TBC1D1: variants seen among roughly 807,000 people sequenced by gnomAD.
TBC1D1 encodes TBC1 domain family member 1.
In TBC1D1, 89 loss-of-function variants were observed where a neutral mutation model predicts 125.6. The observed-to-expected ratio is 0.71, with a 90% CI of 0.60 to 0.85. The LOEUF is 0.85. TBC1D1 is among the 40% of genes least tolerant of loss of function. The pLI is 0.00. For synonymous variants in TBC1D1, 565 were observed against 564.1 expected (o/e 1.00, Z -0.02); for missense variants, 1,377 against 1,469.2 (o/e 0.94, Z 1.03).
chr4:37,989,928 A>G (rs1736214334), intron 2 of TBC1D1, among the ~76,000 whole-genome samples: 1 of 152,244 alleles, frequency 6.6e-6, no homozygotes, highest in Non-Finnish European at 1.5e-5. Context: ...TAGTTTGCCA[A>G]CCAAAGACAC....
chr4:37,902,288 C>G lies in TBC1D1; in HGVS notation c.193C>G (p.Arg65Gly). The G allele has an allele frequency of 1.2e-6, 2 of 1,614,062 alleles. No homozygotes were observed. The highest frequency in any genetic ancestry group is 1.7e-6 in the Non-Finnish European group (2 of 1,179,996). ...AAAGGAACCTGTAACCAAGCAAGTC[C>G]GGCTTTGCGTTTCACCCTCTGGACT... Residue 65 changes from arginine (R) to glycine (G), a missense_variant, in exon 2 of 20, where the codon CGG becomes GGG. Physicochemically the swap from Arg to Gly is moderately radical, Grantham distance 125. This residue lies in a region of TBC1D1 where 822 missense variants were observed against 824.6 expected (regional missense o/e 1.00). Coordinates refer to ENST00000261439, the MANE Select transcript of TBC1D1 (RefSeq NM_015173.4).
At chr4:37,980,216 A>G (rs28651378) in intron 2 of TBC1D1, among the ~76,000 whole-genome samples, 43,833 of 152,144 alleles carry the variant, frequency 0.29, 6,423 homozygotes, top group East Asian at 0.4. Flanking sequence ...TTTAAAGAAG[A>G]AAGAAAAACA....
rs1443103757 is a variant in TBC1D1, at chr4:37,902,430, G to C, written c.335G>C (p.Ser112Thr). 1.2e-6 allele frequency: 2 copies of C among 1,614,156 alleles called. No homozygotes were observed. Among genetic ancestry groups the C allele is most frequent in the South Asian group, 1.1e-5 (1 of 91,086 alleles). The change falls in exon 2 of 20, where the codon AGT (serine) becomes ACT (threonine). Residue 112 changes from serine to threonine, a missense_variant. This residue lies in a region of TBC1D1 where 822 missense variants were observed against 824.6 expected (regional missense o/e 1.00). Coordinates refer to ENST00000261439, the MANE Select transcript of TBC1D1 (RefSeq NM_015173.4). The stretch of plus-strand genomic sequence containing the variant: ...CTGATTCACAACAGTCATGACCCAA[G>C]TTACTTTGCTTGTCTGATTAAGGAA...
intron 13 of TBC1D1, among the ~76,000 whole-genome samples, chr4:38,091,953 A>G (rs1172276547): frequency 6.6e-6 from 1 of 152,212 alleles, no homozygotes; most frequent in Non-Finnish European, 1.5e-5. Flanking sequence ...TTAGCTCTGT[A>G]AAGTTCCACA....
intron 14 of TBC1D1, among the ~76,000 whole-genome samples, chr4:38,098,964 TA>T (rs1759833430): frequency 6.6e-6 from 1 of 152,232 alleles, no homozygotes; most frequent in South Asian, 2.1e-4. Flanking sequence ...TATGACATTA[TA>T]GATAATTCAG....
intron 2 of TBC1D1, among the ~76,000 whole-genome samples, chr4:37,975,499 T>TC (rs1732884531): frequency 6.6e-6 from 1 of 151,958 alleles, no homozygotes; most frequent in Admixed American, 6.6e-5. Context: ...TTCTCTAAAC[T>TC]CCCCCGGGGA....
At chr4:37,929,971 T>G (rs1722934987) in intron 2 of TBC1D1, among the ~76,000 whole-genome samples, 1 of 152,184 alleles carries the variant, frequency 6.6e-6, no homozygotes, top group Non-Finnish European at 1.5e-5. Context: ...GGTTTGCTAC[T>G]GTCCACAAAA....
At chr4:37,914,684 G>A (rs1020883360) in intron 2 of TBC1D1, among the ~76,000 whole-genome samples, 1 of 152,188 alleles carries the variant, frequency 6.6e-6, no homozygotes, top group African/African-American at 2.4e-5. Context: ...CTAAAGTCCT[G>A]TATCTTTGCT....
chr4:38,131,761 G>A (rs368965915), intron 18 of TBC1D1, among the ~76,000 whole-genome samples: 16 of 152,112 alleles, frequency 1.1e-4, no homozygotes, highest in African/African-American at 3.1e-4. Context: ...CTGACCTCAC[G>A]GTCGCTCTGA....
At chr4:37,896,374 A>G (rs1281450713) in intron 1 of TBC1D1, among the ~76,000 whole-genome samples, 2 of 152,168 alleles carry the variant, frequency 1.3e-5, no homozygotes, top group Non-Finnish European at 2.9e-5. Context: ...GCAGCTTACT[A>G]ATACCTACCC....
At chr4:38,065,961 C>T (rs1000126685) in intron 12 of TBC1D1, among the ~76,000 whole-genome samples, 1 of 152,196 alleles carries the variant, frequency 6.6e-6, no homozygotes, top group Non-Finnish European at 1.5e-5. Context: ...TACTGCCCAT[C>T]TTTTAAGAGA....
chr4:38,035,895 C>T (rs1212788091), intron 8 of TBC1D1, among the ~76,000 whole-genome samples, 197 bp downstream of exon 8: 1 of 152,014 alleles, frequency 6.6e-6, no homozygotes, highest in Non-Finnish European at 1.5e-5. Flanking sequence ...TCTGCCTGCA[C>T]CATAGTGGAG....
At chr4:38,112,609 C>T (rs1026167165) in intron 15 of TBC1D1, among the ~76,000 whole-genome samples, 6 of 152,192 alleles carry the variant, frequency 3.9e-5, no homozygotes, top group East Asian at 1.9e-4. Context: ...CTGAGCTTCA[C>T]GTGCCAGAGG....
intron 1 of TBC1D1, among the ~76,000 whole-genome samples, chr4:37,898,223 G>A (rs1715055828): frequency 6.6e-6 from 1 of 152,142 alleles, no homozygotes; most frequent in South Asian, 2.1e-4. Flanking sequence ...TCTTCTTGAG[G>A]GACACCTATT....
intron 17 of TBC1D1, 50 bp from the exon 20 acceptor site, chr4:38,124,912 G>T: frequency 6.5e-7 from 1 of 1,535,552 alleles, no homozygotes; most frequent in Non-Finnish European, 9.0e-7. Flanking sequence ...GAATGGTATT[G>T]CGTGAGAAAC....
chr4:38,080,428 GC>G (rs1189587709), intron 12 of TBC1D1, among the ~76,000 whole-genome samples: 1 of 152,156 alleles, frequency 6.6e-6, no homozygotes, highest in Non-Finnish European at 1.5e-5. Context: ...CAGGATGGTG[GC>G]CTTGCCCAGC....
chr4:37,922,267 C>T (rs545831693), intron 2 of TBC1D1, among the ~76,000 whole-genome samples: 1 of 152,330 alleles, frequency 6.6e-6, no homozygotes, highest in African/African-American at 2.4e-5. Flanking sequence ...CCCAGACATA[C>T]AGATTCCTAT....
intron 2 of TBC1D1, among the ~76,000 whole-genome samples, chr4:37,929,137 T>C (rs978158237): frequency 3.3e-5 from 5 of 152,246 alleles, no homozygotes; most frequent in African/African-American, 1.2e-4. Context: ...GCTTTTATAG[T>C]GGCTAGTGGT....
intron 12 of TBC1D1, among the ~76,000 whole-genome samples, chr4:38,057,748 C>T (rs1192477464): frequency 6.6e-6 from 1 of 152,148 alleles, no homozygotes; most frequent in Admixed American, 6.5e-5. Context: ...TTAAGAACAT[C>T]GACATTTTTA....
Sources: allele counts gnomAD v4.1 joint callset (sites outside exome capture counted in the v4.1 genomes callset), GRCh38; gene constraint gnomAD v4.1.1; regional missense constraint gnomAD v4.1.1; transcripts MANE v1.5; gene names NCBI Gene and HGNC (gene_info 2026-07-23, HGNC 2026-07-21).